SMARCA5: variants seen among roughly 807,000 people sequenced by gnomAD.
SMARCA5 encodes the protein SWI/SNF-related matrix-associated actin-dependent regulator of chromatin subfamily A member 5.
A neutral mutation model predicts 140.4 loss-of-function variants in SMARCA5; 18 were observed. The ratio of observed to expected loss-of-function variants is 0.13; its 90% CI spans 0.09 to 0.19. The LOEUF is 0.19. Ranked by LOEUF, SMARCA5 falls within the 10% of genes least tolerant of loss-of-function variation. SMARCA5 has a pLI of 1.00. For missense variants in SMARCA5, 606 were observed against 1,276.8 expected, an observed-to-expected ratio of 0.47 and a Z score of 8.01; for synonymous variants, 449 against 419.6, an observed-to-expected ratio of 1.07 and a Z score of -0.86.
chr4:143,532,833 A>G (rs2149820770), intron 9 of SMARCA5, among the ~76,000 whole-genome samples: 1 of 152,220 alleles, frequency 6.6e-6, no homozygotes, highest in South Asian at 2.1e-4. Context: ...ACTTGGGGTT[A>G]TCCAGTTACA....
chr4:143,533,917 A>G (rs1372124592), intron 9 of SMARCA5, among the ~76,000 whole-genome samples: 1 of 152,204 alleles, frequency 6.6e-6, no homozygotes, highest in Non-Finnish European at 1.5e-5. Flanking sequence ...ACTCAAACAT[A>G]TACAGGCACA....
chr4:143,550,138 A>C (rs768408725), intron 23 of SMARCA5, 34 bp downstream of exon 23: 1 of 1,242,234 alleles, frequency 8.1e-7, no homozygotes, highest in South Asian at 1.4e-5. Context: ...TATGTGGATT[A>C]TGTAAATTTC....
chr4:143,527,871 G>C lies in SMARCA5; in HGVS notation c.805G>C (p.Ala269Pro). 1 of 1,591,400 alleles carries C rather than the reference G, an allele frequency of 6.3e-7. No individual in the cohort carries two copies. The highest frequency in any genetic ancestry group is 2.3e-5 in the East Asian group (1 of 44,414). ...CLIGDKEQRA[A>P]FVRDVLLPGE... ...ATTTTTTTCTCTTGTTACACAGGCT[G>C]CTTTTGTCAGAGACGTTTTATTACC... Residue 269 changes from alanine to proline, a missense_variant, in exon 7 of 24, where the codon GCT (alanine) becomes CCT (proline). By Grantham distance (27) the Ala-to-Pro change is conservative. Coordinates refer to ENST00000283131, the MANE Select transcript of SMARCA5 (RefSeq NM_003601.4).
intron 2 of SMARCA5, among the ~76,000 whole-genome samples, chr4:143,518,330 C>T (rs1456063455): frequency 6.6e-6 from 1 of 152,088 alleles, no homozygotes; most frequent in Admixed American, 6.5e-5. Context: ...AATGTTTACT[C>T]CGTATCTGAC....
rs1578809480 is a variant in SMARCA5 at position 143,555,567 on chromosome 4, GTCTT to G, written c.*2385_*2388del. ...AATCTGATCATGATACTGAATAAAT[GTCTT>G]TTTTTTTTTTTAACAACAAAGCATG... On this transcript the variant is annotated 3_prime_UTR_variant, in exon 24 of 24. Transcript: ENST00000283131. 1.0e-5 allele frequency: 3 copies of G among 298,712 alleles called. No homozygotes were observed. The highest frequency in any genetic ancestry group is 8.4e-5 in the East Asian group (1 of 11,960). 18.5% of individuals were successfully genotyped at this position (298,712 alleles called of 1,614,324 possible).
At position 143,545,905 on chromosome 4, in the gene SMARCA5, C is replaced by T. The variant is rs1737514429; in HGVS notation, c.2398-20C>T. 2 of 1,589,866 alleles carry T rather than the reference C, an allele frequency of 1.3e-6. No individual in the cohort carries two copies. Among genetic ancestry groups the T allele is most frequent in the East Asian group, 4.5e-5 (2 of 44,582 alleles). On this transcript the variant is annotated intron_variant, in intron 18 of 23. Coordinates refer to ENST00000283131, the MANE Select transcript of SMARCA5 (RefSeq NM_003601.4). ...TCTTTAAAATTTACTGATTTGATGG[C>T]ATAGAAAAATATCTTTTAGGTACCT...
At position 143,521,297 on chromosome 4, in the gene SMARCA5, T is replaced by C. The variant is rs947059164; in HGVS notation, c.253-132T>C. The C allele has an allele frequency of 9.9e-6, 6 of 604,384 alleles. No individual in the cohort carries two copies. The African/African-American group carries it at 1.1e-4, about 11-fold the overall frequency. 37.4% of individuals were successfully genotyped at this position (604,384 alleles called of 1,614,324 possible). Reference sequence around the variant, plus strand: ...CTTTGCATAGTGCTTTTGAAACTCATCCATGTTGCATTTATCTGTAGTTCT... The same window carrying C: ...CTTTGCATAGTGCTTTTGAAACTCACCCATGTTGCATTTATCTGTAGTTCT... On this transcript the variant is annotated intron_variant, in intron 2 of 23. Coordinates refer to ENST00000283131, the MANE Select transcript of SMARCA5 (RefSeq NM_003601.4).
chr4:143,554,603 C>T lies in SMARCA5; in HGVS notation c.*1419C>T, dbSNP rs555085349. ...TTGCTGCTGTTAATGTCAAGCAAAA[C>T]GCAGTATTTATGGCAAATTGTAAAG... On this transcript the variant is annotated 3_prime_UTR_variant, in exon 24 of 24. Transcript: ENST00000283131. The T allele has an allele frequency of 3.3e-5, 5 of 152,502 alleles. No individual in the cohort carries two copies. The highest frequency in any genetic ancestry group is 1.9e-4 in the East Asian group (1 of 5,178). The allele number at this position is 152,502 out of a possible 1,614,324, so 9.4% of individuals were successfully genotyped here. A position where few individuals can be genotyped will look rare whatever the true frequency, so the allele number is the denominator to read the frequency against.
intron 9 of SMARCA5, among the ~76,000 whole-genome samples, chr4:143,534,492 C>A (rs1301023529): frequency 6.6e-6 from 1 of 152,146 alleles, no homozygotes; most frequent in Admixed American, 6.5e-5. Context: ...TGTCATTATT[C>A]CCTAAACGGT....
At chr4:143,535,074 A>G (rs1169666101) in intron 10 of SMARCA5, 110 bp downstream of exon 10, 2 of 714,804 alleles carry the variant, frequency 2.8e-6, no homozygotes, top group African/African-American at 3.7e-5. Flanking sequence ...GCTGGATTGA[A>G]CTCAACCTGA....
intron 2 of SMARCA5, 75 bp downstream of exon 2, chr4:143,517,504 C>G (rs1396265915): frequency 3.6e-6 from 3 of 835,002 alleles, no homozygotes; most frequent in Non-Finnish European, 5.6e-6. Flanking sequence ...AAACATCTAT[C>G]TTAGTCCATT....
Position 143,523,174 on chromosome 4 carries a change from A to C in SMARCA5, c.420-1193A>C, listed in dbSNP as rs377206661. Reference sequence around the variant, plus strand: ...GGACCTCAGCTGGGATTACAGGCTCACGCCACCACGCCCAGCTCATTTTTG... The same window carrying C: ...GGACCTCAGCTGGGATTACAGGCTCCCGCCACCACGCCCAGCTCATTTTTG... On this transcript the variant is annotated intron_variant, in intron 3 of 23. Coordinates refer to ENST00000283131, the MANE Select transcript of SMARCA5 (RefSeq NM_003601.4). Among the ~76,000 whole-genome samples, 9 of 152,086 alleles carry C rather than the reference A, an allele frequency of 5.9e-5. No homozygotes were observed. In the East Asian group the frequency reaches 1.7e-3, roughly 30 times the overall value.
chr4:143,540,491 A>G lies in SMARCA5; in HGVS notation c.1899A>G (p.Gln633=). The G allele has an allele frequency of 1.2e-6, 2 of 1,609,340 alleles. No individual in the cohort carries two copies. Among genetic ancestry groups the G allele is most frequent in the South Asian group, 1.1e-5 (1 of 89,774 alleles). The part of the protein sequence containing the change: ...MKLRLDSIVI[Q]QGRLVDQNLN... ...TCAGACTGGATTCAATAGTCATTCA[A>G]CAAGGTAAGCCATGGAACTTTAAAA... The change falls in exon 14 of 24, where the codon CAA becomes CAG. Residue 633 remains glutamine (Q), a synonymous_variant. Transcript: ENST00000283131.
chr4:143,550,019 C>A lies in SMARCA5; in HGVS notation c.3008C>A (p.Thr1003Asn). 1 of 1,594,378 alleles carries A rather than the reference C, an allele frequency of 6.3e-7. No homozygotes were observed. Among genetic ancestry groups the A allele is most frequent in the Non-Finnish European group, 8.6e-7 (1 of 1,168,590 alleles). The change falls in exon 23 of 24, where the codon ACC (threonine) becomes AAC (asparagine). Residue 1003 changes from threonine to asparagine, a missense_variant. Transcript: ENST00000283131. ...TAMELQRRCN[T>N]LITLIERENM... ...TAGGAGCTCCAGAGGAGATGTAATA[C>A]CTTAATTACTTTGATTGAAAGAGAA...
intron 23 of SMARCA5, among the ~76,000 whole-genome samples, chr4:143,551,733 C>G (rs1171294970): frequency 2.0e-5 from 3 of 152,060 alleles, no homozygotes; most frequent in South Asian, 4.1e-4. Context: ...GGACTTATCT[C>G]TGGGTTCTCT....
At chr4:143,522,102 G>A (rs976680678) in intron 3 of SMARCA5, among the ~76,000 whole-genome samples, 9 of 152,140 alleles carry the variant, frequency 5.9e-5, no homozygotes, top group Admixed American at 2.6e-4. Context: ...TCTGACTTGG[G>A]TGTGCTCTAG....
chr4:143,515,818 A>G (rs1378999417), intron 1 of SMARCA5, among the ~76,000 whole-genome samples: 2 of 152,122 alleles, frequency 1.3e-5, no homozygotes, highest in Non-Finnish European at 2.9e-5. Flanking sequence ...GCCGTTTCCC[A>G]CCCATCTTGC....
rs1300309129 is a variant in SMARCA5 at position 143,557,414 on chromosome 4, TTG to T, written c.*4233_*4234del. On this transcript the variant is annotated 3_prime_UTR_variant, in exon 24 of 24. Coordinates refer to ENST00000283131, the MANE Select transcript of SMARCA5 (RefSeq NM_003601.4). ...CCAAAGGAGTTTTTATGTATATAGA[TTG>T]TGAATAAATTGGGAAAAGAAATAGA... 1 of 152,220 alleles carries T rather than the reference TTG, an allele frequency of 6.6e-6. No homozygotes were observed. Among genetic ancestry groups the T allele is most frequent in the Non-Finnish European group, 1.5e-5 (1 of 68,036 alleles). 9.4% of individuals were successfully genotyped at this position (152,220 alleles called of 1,614,324 possible).
intron 4 of SMARCA5, 134 bp downstream of exon 4, chr4:143,524,601 A>G: frequency 1.7e-6 from 1 of 598,688 alleles, no homozygotes; most frequent in South Asian, 2.2e-5. Context: ...GTTATGAAAT[A>G]AACTTCAGAT....
Sources: allele counts gnomAD v4.1 joint callset (sites outside exome capture counted in the v4.1 genomes callset), GRCh38; gene constraint gnomAD v4.1.1; transcripts MANE v1.5; gene names NCBI Gene and HGNC (gene_info 2026-07-23, HGNC 2026-07-21).